Variants in DNAH8 observed in about 807,000 individuals in gnomAD.
The protein encoded by DNAH8 is axonemal beta dynein heavy chain 8.
Under a neutral mutation model 562.1 loss-of-function variants are expected in DNAH8, and 382 were observed. The ratio of observed to expected loss-of-function variants is 0.68; its 90% CI spans 0.63 to 0.74. The LOEUF (loss-of-function observed/expected upper bound fraction) is 0.74. Ranked by LOEUF, DNAH8 falls within the 30% of genes least tolerant of loss-of-function variation. DNAH8 has a pLI of 0.00. For missense variants in DNAH8, 5,203 were observed against 5,620.4 expected, an observed-to-expected ratio of 0.93 and a Z score of 2.37; for synonymous variants, 1,881 against 1,919.4, an observed-to-expected ratio of 0.98 and a Z score of 0.52.
intron 82 of DNAH8, among the ~76,000 whole-genome samples, chr6:38,955,010 C>T (rs1246953411): frequency 6.6e-6 from 1 of 152,186 alleles, no homozygotes; most frequent in Non-Finnish European, 1.5e-5. Flanking sequence ...CTCTGTCACC[C>T]AGGCTGGAGT....
chr6:38,982,266 C>T, intron 85 of DNAH8, 80 bp from the exon 86 acceptor site: 1 of 659,698 alleles, frequency 1.5e-6, no homozygotes, highest in Non-Finnish European at 2.8e-6. Context: ...GATAATATAG[C>T]CTTAATTTTA....
At chr6:38,783,239 T>C in intron 17 of DNAH8, 100 bp downstream of exon 17, 1 of 1,004,418 alleles carries the variant, frequency 1.0e-6, no homozygotes, top group Non-Finnish European at 1.5e-6. Flanking sequence ...CACATAATCT[T>C]AGGATAGTTA....
chr6:38,738,582 C>A (rs1421730075), intron 7 of DNAH8, among the ~76,000 whole-genome samples: 1 of 152,164 alleles, frequency 6.6e-6, no homozygotes, highest in African/African-American at 2.4e-5. Flanking sequence ...ATTCTAGGAA[C>A]CGCCCCCCAG....
At chr6:38,915,073 C>T in intron 67 of DNAH8, 128 bp from the exon 68 acceptor site, 1 of 775,696 alleles carries the variant, frequency 1.3e-6, no homozygotes, top group Admixed American at 3.7e-5. Context: ...ATATAGACAA[C>T]TTAGGAAATA....
intron 88 of DNAH8, among the ~76,000 whole-genome samples, chr6:38,990,549 C>G (rs187903428): frequency 1.2e-4 from 19 of 152,288 alleles, no homozygotes; most frequent in African/African-American, 4.6e-4. Context: ...TAAATAGAAT[C>G]TAAAAAGCCA....
Position 38,775,821 on chromosome 6 carries a change from A to G in DNAH8, c.1832A>G (p.Asp611Gly). The G allele has an allele frequency of 1.3e-6, 2 of 1,598,588 alleles. No homozygotes were observed. Among genetic ancestry groups the G allele is most frequent in the Non-Finnish European group, 1.7e-6 (2 of 1,166,132 alleles). Reference protein sequence around the residue: ...TLSNSTIEGIDIMAIKFRNIY... With the variant: ...TLSNSTIEGIGIMAIKFRNIY... Reference sequence around the variant, plus strand: ...AGTAATTCTACCATAGAAGGAATAGATATTATGGCAATAAAATTCAGAAAT... The same window carrying G: ...AGTAATTCTACCATAGAAGGAATAGGTATTATGGCAATAAAATTCAGAAAT... The change falls in exon 13 of 93, where the codon GAT becomes GGT. Residue 611 changes from aspartate (D) to glycine (G), a missense_variant. By Grantham distance (94) the Asp-to-Gly change is moderately conservative (BLOSUM62 -1). Around this residue, in one of 6 missense-constraint regions of DNAH8, gnomAD observed 2,176 missense variants for 2,365.1 expected, o/e 0.92. Coordinates refer to ENST00000327475, the MANE Select transcript of DNAH8 (RefSeq NM_001206927.2).
At chr6:39,020,529 ATTTTAC>A (rs1766844920) in intron 91 of DNAH8, among the ~76,000 whole-genome samples, 2 of 151,768 alleles carry the variant, frequency 1.3e-5, no homozygotes, top group Admixed American at 1.3e-4. Context: ...TTTCTTTTTT[ATTTTAC>A]TTTAAGTTCC....
chr6:38,814,107 T>C lies in DNAH8; in HGVS notation c.3311T>C (p.Val1104Ala), dbSNP rs1772036109. The change falls in exon 25 of 93, where the codon GTA (valine) becomes GCA (alanine). Residue 1104 changes from valine (V) to alanine (A), a missense_variant. This residue lies in a region of DNAH8 where 2,176 missense variants were observed against 2,365.1 expected (regional missense o/e 0.92). Transcript: ENST00000327475. ...EDIISFIKSEVHLAIPNVVMI... is the reference protein window; with the variant it reads ...EDIISFIKSEAHLAIPNVVMI... ...ATTATTTCCTTTATAAAAAGTGAAG[T>C]ACATCTTGCAATTCCTAATGTGGTA... 3 of 1,575,190 alleles carry C rather than the reference T, an allele frequency of 1.9e-6. No individual in the cohort carries two copies. The highest frequency in any genetic ancestry group is 1.3e-5 in the African/African-American group (1 of 74,268).
rs1213934145 is a variant in DNAH8 at position 38,752,884 on chromosome 6, A to G, written c.1407+2295A>G. On this transcript the variant is annotated intron_variant, in intron 9 of 92. Coordinates refer to ENST00000327475, the MANE Select transcript of DNAH8 (RefSeq NM_001206927.2). Reference sequence around the variant, plus strand: ...AATTGAGTCCATAAAGAGATTGTCGATTTTATTTAAAACTTATTAGTATTA... The same window carrying G: ...AATTGAGTCCATAAAGAGATTGTCGGTTTTATTTAAAACTTATTAGTATTA... Among the ~76,000 whole-genome samples the G allele has an allele frequency of 2.0e-5, 3 of 152,130 alleles. No homozygotes were observed. The East Asian group carries it at 5.8e-4, about 29-fold the overall frequency.
intron 82 of DNAH8, among the ~76,000 whole-genome samples, chr6:38,963,155 A>G (rs946856066): frequency 7.2e-5 from 11 of 152,002 alleles, no homozygotes; most frequent in Non-Finnish European, 1.5e-4. Context: ...CAAAAGCACC[A>G]TAAATAAAAT....
intron 87 of DNAH8, 186 bp downstream of exon 87, chr6:38,984,493 CACAA>C: frequency 1.8e-6 from 1 of 552,826 alleles, no homozygotes; most frequent in Non-Finnish European, 3.2e-6. Flanking sequence ...CACACACACA[CACAA>C]CAACCAGCAA....
chr6:39,011,598 T>C (rs1583564959), intron 89 of DNAH8, among the ~76,000 whole-genome samples: 2 of 152,248 alleles, frequency 1.3e-5, no homozygotes, highest in South Asian at 2.1e-4. Context: ...GGCTTTTGTA[T>C]TGATCTCTTC....
intron 62 of DNAH8, among the ~76,000 whole-genome samples, chr6:38,900,922 C>G (rs1780033862): frequency 6.6e-6 from 1 of 152,316 alleles, no homozygotes; most frequent in South Asian, 2.1e-4. Flanking sequence ...TTTAGCAATT[C>G]TGTGTGTGGA....
At chr6:38,769,809 C>G (rs532997076) in intron 11 of DNAH8, among the ~76,000 whole-genome samples, 1 of 152,270 alleles carries the variant, frequency 6.6e-6, no homozygotes, top group Admixed American at 6.5e-5. Context: ...AAAGATTTGA[C>G]TGGGTATTGA....
intron 82 of DNAH8, among the ~76,000 whole-genome samples, chr6:38,958,599 T>C (rs191670728): frequency 4.9e-4 from 54 of 109,448 alleles, no homozygotes; most frequent in African/African-American, 1.8e-3. Context: ...AAAACCTGAA[T>C]AGCCAATAAT....
chr6:38,737,223 GA>G lies in DNAH8; in HGVS notation c.922del (p.Thr308ProfsTer9). 6.7e-7 allele frequency: 1 copy of G among 1,502,936 alleles called. No individual in the cohort carries two copies. The highest frequency in any genetic ancestry group is 8.9e-7 in the Non-Finnish European group (1 of 1,123,284). The allele number at this position is 1,502,936 out of a possible 1,614,324, so 93.1% of individuals were successfully genotyped here. A position where few individuals can be genotyped will look rare whatever the true frequency, so the allele number is the denominator to read the frequency against. ...QGESEKHIFT[E>X]TINRYLSFLD... ...AGAATCTGAAAAACATATTTTCACT[GA>G]AACCATCAACAGATATCTTTCATTT... On this transcript the variant is annotated frameshift_variant, in exon 6 of 93. Coordinates refer to ENST00000327475, the MANE Select transcript of DNAH8 (RefSeq NM_001206927.2). LOFTEE classifies it high-confidence loss of function.
intron 74 of DNAH8, among the ~76,000 whole-genome samples, chr6:38,927,213 C>G (rs1782191631): frequency 6.6e-6 from 1 of 152,220 alleles, no homozygotes; most frequent in Non-Finnish European, 1.5e-5. Flanking sequence ...ATTCAATGCT[C>G]ATTCATGATC....
chr6:38,974,566 G>C, intron 85 of DNAH8, 37 bp downstream of exon 85: 1 of 1,587,194 alleles, frequency 6.3e-7, no homozygotes. Context: ...TTAGGAGATG[G>C]CCAGTGGTGT....
intron 28 of DNAH8, 26 bp from the exon 29 acceptor site, chr6:38,826,130 A>G (rs771532302): frequency 4.7e-6 from 7 of 1,491,182 alleles, no homozygotes; most frequent in South Asian, 3.8e-5. Context: ...TTATATTCTA[A>G]TTTAATTTCT....
Sources: gnomAD v4.1 joint callset for allele counts (sites outside exome capture counted in the v4.1 genomes callset) on GRCh38, gnomAD v4.1.1 for gene constraint, gnomAD v4.1.1 regional missense constraint, MANE v1.5 for transcripts, NCBI Gene and HGNC (gene_info 2026-07-23, HGNC 2026-07-21) for gene names.